CENPP: variants seen among roughly 807,000 people sequenced by gnomAD.
CENPP encodes the protein centromere protein P.
In CENPP, 24 loss-of-function variants were observed where a neutral mutation model predicts 35.6. That is an observed-to-expected ratio of 0.67 (90% CI 0.49 to 0.95). The LOEUF is 0.95. Ranked by LOEUF, CENPP falls within the 40% of genes least tolerant of loss-of-function variation. The pLI is 0.00. For synonymous variants in CENPP, 120 were observed against 125.5 expected, an observed-to-expected ratio of 0.96 and a Z score of 0.29; for missense variants, 332 against 345.3, an observed-to-expected ratio of 0.96 and a Z score of 0.31.
chr9:92,392,624 G>A (rs1842733131), intron 5 of CENPP, among the ~76,000 whole-genome samples: 1 of 151,440 alleles, frequency 6.6e-6, no homozygotes, highest in Admixed American at 6.6e-5. Flanking sequence ...CGGGTTGGGG[G>A]GAGGGGGGAG....
At position 92,397,359 on chromosome 9, in the gene CENPP, G is replaced by A. The variant is rs548988366; in HGVS notation, c.564+17500G>A. ...TCATTTGTTTTTAAGACAGAGTCTCGCCCTGTCACCCAGGCTGGAGTGCAG... is the reference window on the plus strand; with the variant it reads ...TCATTTGTTTTTAAGACAGAGTCTCACCCTGTCACCCAGGCTGGAGTGCAG... On this transcript the variant is annotated intron_variant, in intron 5 of 7. Transcript: ENST00000375587. Among the ~76,000 whole-genome samples the A allele has an allele frequency of 6.2e-4, 94 of 152,080 alleles. 1 individual carries two copies. Among genetic ancestry groups the A allele is most frequent in the African/African-American group, 2.1e-3 (89 of 41,472 alleles).
At chr9:92,555,191 TG>T (rs1372838717) in intron 5 of CENPP, among the ~76,000 whole-genome samples, 1 of 150,840 alleles carries the variant, frequency 6.6e-6, no homozygotes, top group African/African-American at 2.4e-5. Context: ...TGAATCCGTC[TG>T]GTCTTGGACT....
chr9:92,564,811 A>T (rs77330791), intron 5 of CENPP, among the ~76,000 whole-genome samples: 17,394 of 152,172 alleles, frequency 0.11, 1,089 homozygotes, highest in Middle Eastern at 0.15. Context: ...AAACTCTCCA[A>T]AATAAGCACT....
chr9:92,523,031 T>TCC, intron 5 of CENPP: 1 of 846,742 alleles, frequency 1.2e-6, no homozygotes, highest in Non-Finnish European at 1.7e-6. Context: ...TATGCTATAG[T>TCC]ATTATTGCCA....
intron 5 of CENPP, among the ~76,000 whole-genome samples, chr9:92,494,311 G>A (rs11788523): frequency 0.37 from 56,379 of 151,992 alleles, 12,791 homozygotes; most frequent in African/African-American, 0.64. Flanking sequence ...TTATGTCAAT[G>A]TGTTTATATT....
At chr9:92,379,727 G>C in intron 4 of CENPP, 36 bp from the exon 5 acceptor site, 3 of 1,433,290 alleles carry the variant, frequency 2.1e-6, no homozygotes, top group Non-Finnish European at 2.9e-6. Context: ...ATCATTTAAT[G>C]ATATTTATTA....
intron 5 of CENPP, chr9:92,505,704 A>C (rs1225811655): frequency 3.9e-6 from 6 of 1,549,428 alleles, no homozygotes; most frequent in Non-Finnish European, 5.2e-6. Flanking sequence ...TAAAAAATAA[A>C]AGTATTAGAA....
At chr9:92,362,440 ATTT>A (rs779821981) in intron 4 of CENPP, among the ~76,000 whole-genome samples, 11 of 151,600 alleles carry the variant, frequency 7.3e-5, no homozygotes, top group Non-Finnish European at 2.9e-5. Context: ...AATGTTTCTT[ATTT>A]TGTCTTTGAT....
At chr9:92,554,023 A>G (rs1849667467) in intron 5 of CENPP, among the ~76,000 whole-genome samples, 1 of 152,076 alleles carries the variant, frequency 6.6e-6, no homozygotes, top group African/African-American at 2.4e-5. Flanking sequence ...TTCCCCATTC[A>G]GTATTATGTT....
At chr9:92,531,692 A>G (rs1236383683) in intron 5 of CENPP, among the ~76,000 whole-genome samples, 1 of 152,084 alleles carries the variant, frequency 6.6e-6, no homozygotes, top group Non-Finnish European at 1.5e-5. Context: ...TCAATTGAGA[A>G]CCACTTGTTT....
At chr9:92,343,532 A>T (rs891608243) in intron 3 of CENPP, among the ~76,000 whole-genome samples, 8 of 152,250 alleles carry the variant, frequency 5.3e-5, no homozygotes, top group African/African-American at 1.9e-4. Flanking sequence ...CAATTTTTTT[A>T]AATGGAAGAG....
In CENPP at chr9:92,617,479, GAC is replaced by G. The variant is rs2131411820; in HGVS notation, c.*4334_*4335del. On this transcript the variant is annotated 3_prime_UTR_variant, in exon 8 of 8. Coordinates refer to ENST00000375587, the MANE Select transcript of CENPP (RefSeq NM_001012267.3). ...CAGTGACCAGCGGGCACCAGCTCCT[GAC>G]ACAGAAATGCTCTTCTTCCCCCTCA... The G allele has an allele frequency of 6.5e-6, 1 of 152,942 alleles. No individual in the cohort carries two copies. The highest frequency in any genetic ancestry group is 2.4e-5 in the African/African-American group (1 of 41,604). The allele number at this position is 152,942 out of a possible 1,614,324, so 9.5% of individuals were successfully genotyped here. A position where few individuals can be genotyped will look rare whatever the true frequency, so the allele number is the denominator to read the frequency against.
chr9:92,449,277 T>C (rs1372004749), intron 5 of CENPP, among the ~76,000 whole-genome samples: 1 of 151,254 alleles, frequency 6.6e-6, no homozygotes, highest in African/African-American at 2.4e-5. Flanking sequence ...CCGTCTCTAC[T>C]AAAAATACAA....
chr9:92,325,755 A>C (rs571644117), upstream of CENPP: 283 of 488,260 alleles, frequency 5.8e-4, 2 homozygotes, highest in Non-Finnish European at 8.4e-4. Flanking sequence ...CTCCAGAGAA[A>C]GTATAGCCAC....
At chr9:92,400,497 C>G (rs145349173) in intron 5 of CENPP, among the ~76,000 whole-genome samples, 1 of 152,130 alleles carries the variant, frequency 6.6e-6, no homozygotes, top group South Asian at 2.1e-4. Context: ...TCATACTTCT[C>G]GCTTTTTAAG....
chr9:92,392,701 A>C (rs149293793), intron 5 of CENPP, among the ~76,000 whole-genome samples: 199 of 152,344 alleles, frequency 1.3e-3, no homozygotes, highest in African/African-American at 4.5e-3. Flanking sequence ...AGTTAAAGTA[A>C]GAAAAAGCAC....
At chr9:92,453,385 T>G (rs1383875613) in intron 5 of CENPP, among the ~76,000 whole-genome samples, 1 of 152,228 alleles carries the variant, frequency 6.6e-6, no homozygotes, top group Non-Finnish European at 1.5e-5. Flanking sequence ...AGCAGGTTGT[T>G]CAGTTTCCAT....
At chr9:92,457,664 T>C (rs1237810540) in intron 5 of CENPP, among the ~76,000 whole-genome samples, 1 of 152,132 alleles carries the variant, frequency 6.6e-6, no homozygotes, top group Non-Finnish European at 1.5e-5. Flanking sequence ...TTATAAAAAC[T>C]CAAGCTCATG....
chr9:92,500,102 A>G (rs1446732985), intron 5 of CENPP, among the ~76,000 whole-genome samples: 2 of 152,186 alleles, frequency 1.3e-5, no homozygotes, highest in African/African-American at 4.8e-5. Context: ...TTATACATGG[A>G]GGTAGGAGTA....
Sources: allele counts gnomAD v4.1 joint callset (sites outside exome capture counted in the v4.1 genomes callset), GRCh38; gene constraint gnomAD v4.1.1; transcripts MANE v1.5; gene names NCBI Gene and HGNC (gene_info 2026-07-23, HGNC 2026-07-21).